Variants in MACROD1 observed in about 807,000 individuals in gnomAD.
MACROD1 encodes the protein mono-ADP ribosylhydrolase 1, also known as ADP-ribose glycohydrolase MACROD1.
MACROD1 carries 31 observed loss-of-function variants against 41.4 expected under a neutral mutation model. That is an observed-to-expected ratio of 0.75 (90% confidence interval 0.56 to 1.01). The LOEUF is 1.01. MACROD1 is among the 50% of genes least tolerant of loss of function. The pLI is 0.00. For missense variants in MACROD1, 473 were observed against 460.0 expected (o/e 1.03, Z -0.26); for synonymous variants, 252 against 203.4 (o/e 1.24, Z -2.03).
At chr11:64,092,009 A>G (rs1944499567) in intron 3 of MACROD1, among the ~76,000 whole-genome samples, 1 of 152,148 alleles carries the variant, frequency 6.6e-6, no homozygotes, top group Non-Finnish European at 1.5e-5. Flanking sequence ...CCGGCCCTCT[A>G]TCCCCACGTG....
chr11:63,999,619 C>T lies in MACROD1; in HGVS notation c.786+23G>A. 5 of 1,609,434 alleles carry T rather than the reference C, an allele frequency of 3.1e-6. 1 individual carries two copies. Among genetic ancestry groups the T allele is most frequent in the South Asian group, 2.2e-5 (2 of 90,428 alleles). ...TTGTCACTGCGCCCCGCCTCCCGCC[C>T]TCCCCCGCGGGCCGTCCCTCACCAC... On this transcript the variant is annotated intron_variant, in intron 6 of 10. Coordinates refer to ENST00000255681, the MANE Select transcript of MACROD1 (RefSeq NM_014067.4).
chr11:64,096,992 G>C lies in MACROD1; in HGVS notation c.517+54247C>G, dbSNP rs1045680010. On this transcript the variant is annotated intron_variant, in intron 3 of 10. Transcript: ENST00000255681. The surrounding 1 kb of genome is among the most constrained non-coding windows in gnomAD (Gnocchi z 4.6). The stretch of plus-strand genomic sequence containing the variant: ...GGGAGTTCCTGCCTACCCTTGCTGG[G>C]AGGAGATTGCAAAGGCACAAGAGCA... 6.6e-6 allele frequency among the ~76,000 whole-genome samples: 1 copy of C among 152,232 alleles called. No individual in the cohort carries two copies. Among genetic ancestry groups the C allele is most frequent in the Non-Finnish European group, 1.5e-5 (1 of 68,038 alleles).
intron 3 of MACROD1, among the ~76,000 whole-genome samples, chr11:64,070,540 CGA>C (rs1258539218): frequency 6.6e-6 from 1 of 152,146 alleles, no homozygotes; most frequent in Non-Finnish European, 1.5e-5. Flanking sequence ...GAGCAGAGCT[CGA>C]GAACTCGAAG....
intron 3 of MACROD1, among the ~76,000 whole-genome samples, chr11:64,057,118 G>A (rs1680338408): frequency 6.6e-6 from 1 of 152,204 alleles, no homozygotes; most frequent in African/African-American, 2.4e-5. Context: ...TGTGTTCATC[G>A]GCTCCCTAAG....
Position 64,067,582 on chromosome 11 carries a change from T to C in MACROD1, c.518-52301A>G, listed in dbSNP as rs1944028091. On this transcript the variant is annotated intron_variant, in intron 3 of 10. Coordinates refer to ENST00000255681, the MANE Select transcript of MACROD1 (RefSeq NM_014067.4). The surrounding 1 kb of genome is among the most constrained non-coding windows in gnomAD (Gnocchi z 4.6). Reference sequence around the variant, plus strand: ...AAGCAGGGACCAGGACCCAGGCTTGTCTCCCTCCTGTCCCTAGGTGGGTGA... The same window carrying C: ...AAGCAGGGACCAGGACCCAGGCTTGCCTCCCTCCTGTCCCTAGGTGGGTGA... Among the ~76,000 whole-genome samples the C allele has an allele frequency of 6.6e-6, 1 of 152,006 alleles. No individual in the cohort carries two copies. The highest frequency in any genetic ancestry group is 2.1e-4 in the South Asian group (1 of 4,822).
intron 3 of MACROD1, among the ~76,000 whole-genome samples, chr11:64,041,360 C>T (rs780891126): frequency 7.9e-5 from 12 of 151,890 alleles, no homozygotes; most frequent in Non-Finnish European, 1.2e-4. Flanking sequence ...CCCCCCGTGA[C>T]GCCTGGGAAA....
At position 64,082,665 on chromosome 11, in the gene MACROD1, CA is replaced by C. The variant is rs1268774327; in HGVS notation, c.518-67385del. On this transcript the variant is annotated intron_variant, in intron 3 of 10. Coordinates refer to ENST00000255681, the MANE Select transcript of MACROD1 (RefSeq NM_014067.4). The surrounding 1 kb of genome is among the most constrained non-coding windows in gnomAD (Gnocchi z 4.5). ...GGTGGGGACCCCCAGCCTGGAGCCC[CA>C]GACCCCTGTCCTGCTCCACCCTGCA... is the stretch of plus-strand genomic sequence containing the variant. 6.6e-6 allele frequency among the ~76,000 whole-genome samples: 1 copy of C among 152,132 alleles called. No individual in the cohort carries two copies. Among genetic ancestry groups the C allele is most frequent in the Non-Finnish European group, 1.5e-5 (1 of 67,990 alleles).
At chr11:64,139,457 G>A (rs201685562) in intron 3 of MACROD1, among the ~76,000 whole-genome samples, 2 of 152,270 alleles carry the variant, frequency 1.3e-5, no homozygotes, top group East Asian at 1.9e-4. Flanking sequence ...TGCCCCCACC[G>A]CAGAGGAGCC....
At chr11:64,163,859 G>A (rs911058211) in intron 1 of MACROD1, among the ~76,000 whole-genome samples, 7 of 152,174 alleles carry the variant, frequency 4.6e-5, no homozygotes, top group East Asian at 1.9e-4. Context: ...CCCCGAAAGC[G>A]TCCCTCTAAC....
chr11:64,086,308 G>T (rs747747236), intron 3 of MACROD1, among the ~76,000 whole-genome samples: 2 of 152,078 alleles, frequency 1.3e-5, no homozygotes, highest in African/African-American at 4.8e-5. Context: ...AGTGCATACC[G>T]GCACCTGCAC....
intron 3 of MACROD1, among the ~76,000 whole-genome samples, chr11:64,015,990 T>A (rs1271343991): frequency 6.6e-6 from 1 of 152,154 alleles, no homozygotes; most frequent in African/African-American, 2.4e-5. Flanking sequence ...CCTCACCAGC[T>A]GGTGTGAAGG....
chr11:64,071,359 C>G (rs1042994183), intron 3 of MACROD1, among the ~76,000 whole-genome samples: 1 of 152,186 alleles, frequency 6.6e-6, no homozygotes, highest in Non-Finnish European at 1.5e-5. Flanking sequence ...GGGCCCAGCA[C>G]AGAGCAGCTC....
rs771123725 is a variant in MACROD1 at position 63,999,606 on chromosome 11, C to A, written c.786+36G>T. The stretch of plus-strand genomic sequence containing the variant: ...GGGGGTTGGAACATTGTCACTGCGC[C>A]CCGCCTCCCGCCCTCCCCCGCGGGC... On this transcript the variant is annotated intron_variant, in intron 6 of 10. Coordinates refer to ENST00000255681, the MANE Select transcript of MACROD1 (RefSeq NM_014067.4). 3.7e-6 allele frequency: 6 copies of A among 1,609,398 alleles called. No individual in the cohort carries two copies. The East Asian group carries it at 1.3e-4, about 36-fold the overall frequency.
intron 4 of MACROD1, chr11:64,001,167 C>A (rs867238086): frequency 5.3e-5 from 27 of 508,846 alleles, no homozygotes; most frequent in Middle Eastern, 1.0e-3. Context: ...AGCCCAACCT[C>A]GCCAGGGCAC....
chr11:64,042,065 G>C (rs1943497550), intron 3 of MACROD1, among the ~76,000 whole-genome samples: 1 of 152,212 alleles, frequency 6.6e-6, no homozygotes, highest in Non-Finnish European at 1.5e-5. Flanking sequence ...GGCCAGGCCT[G>C]GAGCTGGCCA....
intron 3 of MACROD1, among the ~76,000 whole-genome samples, chr11:64,095,383 G>A (rs998801516): frequency 2.0e-5 from 3 of 152,196 alleles, no homozygotes; most frequent in Admixed American, 6.5e-5. Flanking sequence ...TGGGCCGAGC[G>A]CACAGCATTG....
intron 3 of MACROD1, among the ~76,000 whole-genome samples, chr11:64,141,269 G>T (rs1014870698): frequency 6.6e-6 from 1 of 152,208 alleles, no homozygotes; most frequent in African/African-American, 2.4e-5. Context: ...CACCAGGCCC[G>T]GCCAGGACTC....
At chr11:64,046,411 C>T (rs1310544773) in intron 3 of MACROD1, among the ~76,000 whole-genome samples, 2 of 152,168 alleles carry the variant, frequency 1.3e-5, no homozygotes, top group African/African-American at 2.4e-5. Flanking sequence ...GTCCCCTGTG[C>T]TGGGGTGCGA....
chr11:64,161,753 G>C (rs375262199), intron 1 of MACROD1, among the ~76,000 whole-genome samples: 1 of 152,020 alleles, frequency 6.6e-6, no homozygotes, highest in African/African-American at 2.4e-5. Flanking sequence ...GGGTAACATG[G>C]TGAAACCCAG....
Sources: gnomAD v4.1 joint callset for allele counts (sites outside exome capture counted in the v4.1 genomes callset) on GRCh38, gnomAD v4.1.1 for gene constraint, Gnocchi (gnomAD v3.1) non-coding constraint, MANE v1.5 for transcripts, NCBI Gene and HGNC (gene_info 2026-07-23, HGNC 2026-07-21) for gene names.